Variants in SETX observed in about 807,000 individuals in gnomAD.
The protein encoded by SETX is helicase senataxin.
In SETX, 90 loss-of-function variants were observed where a neutral mutation model predicts 227.2. The observed-to-expected ratio is 0.40, with a 90% confidence interval of 0.33 to 0.47. The LOEUF (loss-of-function observed/expected upper bound fraction) is 0.47, where lower values mean the gene tolerates loss of function less well. Among genes scored for constraint, SETX ranks in the 20% least tolerant of loss-of-function variants. The pLI is 0.91. For missense variants in SETX, 3,052 were observed against 3,181.5 expected (o/e 0.96, Z 0.98); for synonymous variants, 1,210 against 1,113.2 (o/e 1.09, Z -1.73).
At chr9:132,336,169 G>A (rs775401876) in intron 6 of SETX, 127 bp downstream of exon 6, 1 of 771,750 alleles carries the variant, frequency 1.3e-6, no homozygotes, top group East Asian at 2.7e-5. Flanking sequence ...CTTGAACCTG[G>A]GAGGTGGAGC....
chr9:132,307,846 T>C (rs1643916308), intron 11 of SETX, among the ~76,000 whole-genome samples: 1 of 152,078 alleles, frequency 6.6e-6, no homozygotes, highest in East Asian at 1.9e-4. Flanking sequence ...GCCCAGCTGA[T>C]TTTTGTATTT....
Position 132,311,754 on chromosome 9 carries a change from T to C in SETX, c.5374+3A>G. 6.2e-7 allele frequency: 1 copy of C among 1,601,120 alleles called. No homozygotes were observed. Among genetic ancestry groups the C allele is most frequent in the Non-Finnish European group, 8.6e-7 (1 of 1,168,850 alleles). On this transcript the variant is annotated splice_donor_region_variant and intron_variant, in intron 11 of 25. Coordinates refer to ENST00000224140, the MANE Select transcript of SETX (RefSeq NM_015046.7). ...ATTCCAAGTTGCGTAAGAAAAAACT[T>C]ACCTGCAAACTCCCAGTATTTTATA...
intron 2 of SETX, 111 bp from the exon 3 acceptor site, chr9:132,349,546 C>T: frequency 1.9e-6 from 2 of 1,077,852 alleles, no homozygotes; most frequent in East Asian, 2.5e-5. Context: ...AAATGTGTCA[C>T]TAAAACCCAA....
chr9:132,263,991 G>C lies in SETX; in HGVS notation c.*248C>G. ...GACCTCCTTGTCTATAGAAGACTAA[G>C]AGATCAACATTTCCAGTCTCTGACT... On this transcript the variant is annotated 3_prime_UTR_variant, in exon 26 of 26. Transcript: ENST00000224140. 1 of 562,962 alleles carries C rather than the reference G, an allele frequency of 1.8e-6. No homozygotes were observed. Among genetic ancestry groups the C allele is most frequent in the South Asian group, 2.1e-5 (1 of 48,004 alleles). The allele number at this position is 562,962 out of a possible 1,614,324, so 34.9% of individuals were successfully genotyped here. A position where few individuals can be genotyped will look rare whatever the true frequency, so the allele number is the denominator to read the frequency against.
chr9:132,277,789 C>CAA (rs372125008), intron 21 of SETX, among the ~76,000 whole-genome samples: 2,779 of 67,798 alleles, frequency 0.041, 178 homozygotes, highest in African/African-American at 0.074. Flanking sequence ...ACCCTGTCTT[C>CAA]AAAAAAAAAA....
At chr9:132,323,162 G>A (rs1400520764) in intron 10 of SETX, among the ~76,000 whole-genome samples, 1 of 152,114 alleles carries the variant, frequency 6.6e-6, no homozygotes, top group Non-Finnish European at 1.5e-5. Flanking sequence ...CGGGGGTGGA[G>A]GAGATACAGA....
chr9:132,323,241 G>T (rs1044766511), intron 10 of SETX, among the ~76,000 whole-genome samples: 1 of 152,130 alleles, frequency 6.6e-6, no homozygotes, highest in Admixed American at 6.6e-5. Context: ...CAAATTTATA[G>T]ATTAACTAAC....
In SETX at chr9:132,328,261, G is replaced by C; in HGVS notation, c.3337C>G (p.Pro1113Ala). The C allele has an allele frequency of 1.9e-6, 3 of 1,614,012 alleles. No homozygotes were observed. The highest frequency in any genetic ancestry group is 2.5e-6 in the Non-Finnish European group (3 of 1,180,008). The change falls in exon 10 of 26, where the codon CCT becomes GCT. Residue 1113 changes from proline to alanine, a missense_variant. Physicochemically the swap from Pro to Ala is conservative, Grantham distance 27. Coordinates refer to ENST00000224140, the MANE Select transcript of SETX (RefSeq NM_015046.7). ...TGACCATTTGTAGTATTGGCTATAG[G>C]AGCCAAACATTTTTTCTCACCATCT... ...VQDGEKKCLA[P>A]IANTTNGQGC...
intron 5 of SETX, among the ~76,000 whole-genome samples, chr9:132,342,203 C>T (rs1848017407): frequency 6.6e-6 from 1 of 152,132 alleles, no homozygotes; most frequent in African/African-American, 2.4e-5. Context: ...AGCCAAAGGG[C>T]TATGTCAGGT....
intron 5 of SETX, among the ~76,000 whole-genome samples, chr9:132,337,764 G>A (rs193234926): frequency 6.6e-6 from 1 of 152,282 alleles, no homozygotes; most frequent in Admixed American, 6.5e-5. Flanking sequence ...GCTGGAGTTA[G>A]GAAATGACCA....
At chr9:132,325,709 C>T (rs1419594776) in intron 10 of SETX, among the ~76,000 whole-genome samples, 4 of 152,032 alleles carry the variant, frequency 2.6e-5, no homozygotes, top group Admixed American at 1.3e-4. Context: ...GGTGGATCAC[C>T]TGAGGTCAGA....
intron 17 of SETX, among the ~76,000 whole-genome samples, chr9:132,286,749 T>C (rs982820995): frequency 1.3e-5 from 2 of 152,198 alleles, no homozygotes; most frequent in African/African-American, 4.8e-5. Flanking sequence ...CACCCTTAAC[T>C]TCCAGGTGAT....
intron 10 of SETX, among the ~76,000 whole-genome samples, chr9:132,325,146 G>A (rs1393307513): frequency 2.6e-5 from 4 of 151,992 alleles, no homozygotes; most frequent in South Asian, 4.1e-4. Flanking sequence ...CACAAGGTCA[G>A]GAGATTGAGA....
At chr9:132,336,938 C>T (rs1026764742) in intron 5 of SETX, among the ~76,000 whole-genome samples, 1 of 152,028 alleles carries the variant, frequency 6.6e-6, no homozygotes, top group Non-Finnish European at 1.5e-5. Flanking sequence ...TGGTGGTGCA[C>T]TCCTGTAGTC....
chr9:132,301,762 T>G (rs1400319921), intron 11 of SETX, among the ~76,000 whole-genome samples: 1 of 152,098 alleles, frequency 6.6e-6, no homozygotes, highest in African/African-American at 2.4e-5. Context: ...TCCCCATCAT[T>G]AAGTGACATG....
At chr9:132,314,373 GCCA>G (rs1477071532) in intron 10 of SETX, among the ~76,000 whole-genome samples, 1 of 152,196 alleles carries the variant, frequency 6.6e-6, no homozygotes, top group East Asian at 1.9e-4. Context: ...ACAGGCATGA[GCCA>G]CCGTGCCCGG....
At chr9:132,290,036 C>T (rs978349315) in intron 15 of SETX, among the ~76,000 whole-genome samples, 14 of 151,988 alleles carry the variant, frequency 9.2e-5, no homozygotes, top group Non-Finnish European at 1.2e-4. Context: ...TGGCAAAACC[C>T]CATTTCTACT....
intron 18 of SETX, among the ~76,000 whole-genome samples, chr9:132,284,068 C>T (rs2131217835): frequency 6.6e-6 from 1 of 152,324 alleles, no homozygotes; most frequent in Middle Eastern, 3.4e-3. Context: ...AGTGGTGATT[C>T]ATCTCAGCAC....
chr9:132,268,931 G>A (rs1842772829), intron 25 of SETX, among the ~76,000 whole-genome samples: 1 of 152,194 alleles, frequency 6.6e-6, no homozygotes, highest in African/African-American at 2.4e-5. Flanking sequence ...CTGGTGGCAG[G>A]AACCAAAACC....
Sources: gnomAD v4.1 joint callset for allele counts (sites outside exome capture counted in the v4.1 genomes callset) on GRCh38, gnomAD v4.1.1 for gene constraint, MANE v1.5 for transcripts, NCBI Gene and HGNC (gene_info 2026-07-23, HGNC 2026-07-21) for gene names.